The following LRRIQ1 variants were observed in gnomAD, a reference collection of about 807,000 sequenced individuals.
LRRIQ1 encodes leucine-rich repeat- and IQ domain-containing protein 1.
Under a neutral mutation model 211.9 loss-of-function variants are expected in LRRIQ1, and 210 were observed. That is an observed-to-expected ratio of 0.99 (90% CI 0.89 to 1.11). LRRIQ1 has a LOEUF of 1.11. LRRIQ1 is among the 50% of genes most tolerant of loss of function. LRRIQ1 has a pLI of 0.00. For missense variants in LRRIQ1, 2,136 were observed against 1,939.5 expected (o/e 1.10, Z -1.90); for synonymous variants, 699 against 650.1 (o/e 1.08, Z -1.14).
chr12:85,196,002 A>C (rs1305319590), intron 24 of LRRIQ1, among the ~76,000 whole-genome samples: 1 of 152,008 alleles, frequency 6.6e-6, no homozygotes, highest in Non-Finnish European at 1.5e-5. Context: ...ATCAATGTAC[A>C]AAAATCACAA....
intron 13 of LRRIQ1, among the ~76,000 whole-genome samples, chr12:85,100,374 T>A (rs1355652820): frequency 6.6e-6 from 1 of 151,724 alleles, no homozygotes; most frequent in East Asian, 1.9e-4. Context: ...AAAATGGGAA[T>A]TATATAAACT....
chr12:85,056,553 A>G lies in LRRIQ1; in HGVS notation c.1760A>G (p.Glu587Gly). The change falls in exon 8 of 27, where the codon GAA becomes GGA. Residue 587 changes from glutamate (E) to glycine (G), a missense_variant. Physicochemically the swap from Glu to Gly is moderately conservative, Grantham distance 98. Transcript: ENST00000393217. ...CAGCAGAAAAAGATACAAAAAGTAG[A>G]AAAAGAAGAGATACAAGAACAGAAT... ...DNQQKKIQKV[E>G]KEEIQEQNGL... 6.2e-7 allele frequency: 1 copy of G among 1,607,300 alleles called. No individual in the cohort carries two copies. Among genetic ancestry groups the G allele is most frequent in the Non-Finnish European group, 8.5e-7 (1 of 1,176,898 alleles).
chr12:85,072,130 G>A lies in LRRIQ1; in HGVS notation c.2696-777G>A, dbSNP rs372868252. On this transcript the variant is annotated intron_variant, in intron 10 of 26. Coordinates refer to ENST00000393217, the MANE Select transcript of LRRIQ1 (RefSeq NM_001079910.2). ...ATCTATAGATTTTCCTCTGAGCAAT[G>A]CTTATTCTGTAACTTGTGACATGTA... Among the ~76,000 whole-genome samples, 397 of 151,914 alleles carry A rather than the reference G, an allele frequency of 2.6e-3. 4 individuals are homozygous for A. The highest frequency in any genetic ancestry group is 9.4e-3 in the African/African-American group (389 of 41,458).
rs1452425611 is a variant in LRRIQ1, at chr12:85,192,488, TATAATATAATTATATATAAATATATATA to T, written c.4822+31775_4822+31802del. 8.7e-5 allele frequency among the ~76,000 whole-genome samples: 11 copies of T among 126,464 alleles called. 1 individual carries two copies. The highest frequency in any genetic ancestry group is 6.3e-5 in the Non-Finnish European group (4 of 63,402). 83.0% of individuals were successfully genotyped at this position (126,464 alleles called of 152,430 possible). A position where few individuals can be genotyped will look rare whatever the true frequency, so the allele number is the denominator to read the frequency against. ...AATTATATATAAATATATATAGTTATATAATATAATTATATATAAATATATATAGTTATATAATATAATTATATATAAA... is the reference window on the plus strand; with the variant it reads ...AATTATATATAAATATATATAGTTATGTTATATAATATAATTATATATAAA... On this transcript the variant is annotated intron_variant, in intron 24 of 26. Transcript: ENST00000393217.
intron 7 of LRRIQ1, 86 bp downstream of exon 7, chr12:85,052,337 A>G (rs1592702904): frequency 1.3e-5 from 9 of 687,928 alleles, no homozygotes; most frequent in Admixed American, 2.8e-5. Flanking sequence ...TTTTTAGATA[A>G]TGCTGCCTAA....
At chr12:85,190,280 C>T (rs1223392792) in intron 24 of LRRIQ1, among the ~76,000 whole-genome samples, 3 of 142,030 alleles carry the variant, frequency 2.1e-5, no homozygotes, top group Non-Finnish European at 3.0e-5. Context: ...CAGTTAACAA[C>T]TATACAGTTA....
intron 13 of LRRIQ1, among the ~76,000 whole-genome samples, chr12:85,103,391 T>C (rs1886532451): frequency 6.6e-6 from 1 of 151,718 alleles, no homozygotes; most frequent in African/African-American, 2.4e-5. Context: ...CTCATTTATT[T>C]ACATATTGAG....
At chr12:85,200,390 C>T (rs1364389450) in intron 24 of LRRIQ1, among the ~76,000 whole-genome samples, 1 of 150,480 alleles carries the variant, frequency 6.6e-6, no homozygotes, top group African/African-American at 2.4e-5. Flanking sequence ...GGTTTTCTAG[C>T]TATGAAATCT....
Position 85,056,594 on chromosome 12 carries a change from G to A in LRRIQ1, c.1801G>A (p.Asp601Asn). 6.3e-7 allele frequency: 1 copy of A among 1,595,726 alleles called. No homozygotes were observed. The highest frequency in any genetic ancestry group is 8.5e-7 in the Non-Finnish European group (1 of 1,172,022). Reference protein sequence around the residue: ...IQEQNGLLYKDKDTLVISVKQ... With the variant: ...IQEQNGLLYKNKDTLVISVKQ... The stretch of plus-strand genomic sequence containing the variant: ...AGAACAGAATGGATTATTATATAAA[G>A]ATAAGGATACTTTAGTTATTTCAGT... Residue 601 changes from aspartate to asparagine, a missense_variant, in exon 8 of 27, where the codon GAT becomes AAT. Transcript: ENST00000393217.
chr12:85,181,131 C>A (rs1285453644), intron 24 of LRRIQ1, among the ~76,000 whole-genome samples: 1 of 36,772 alleles, frequency 2.7e-5, no homozygotes, highest in African/African-American at 5.1e-4. Flanking sequence ...TTAGGTAGCC[C>A]ATTGAAACAT....
intron 10 of LRRIQ1, among the ~76,000 whole-genome samples, chr12:85,070,653 A>G (rs766251657): frequency 4.6e-4 from 70 of 151,886 alleles, no homozygotes; most frequent in Non-Finnish European, 9.4e-4. Context: ...ACATTTTTAC[A>G]GCTCAGAATA....
At chr12:85,253,377 C>T (rs1896003819) in intron 1 of LRRIQ1, among the ~76,000 whole-genome samples, 1 of 152,054 alleles carries the variant, frequency 6.6e-6, no homozygotes, top group African/African-American at 2.4e-5. Context: ...ACTACTCACA[C>T]AAGATTCATG....
the LRRIQ1 span, among the ~76,000 whole-genome samples, chr12:85,270,196 G>A: frequency 5.9e-5 from 9 of 152,060 alleles, no homozygotes; most frequent in South Asian, 2.1e-4. Flanking sequence ...TAATCAATAA[G>A]AATTATATTT....
At chr12:85,125,339 T>A (rs546513306) in intron 17 of LRRIQ1, among the ~76,000 whole-genome samples, 1 of 152,194 alleles carries the variant, frequency 6.6e-6, no homozygotes, top group Non-Finnish European at 1.5e-5. Flanking sequence ...TAGGGCAATA[T>A]TCTGTATGAT....
intron 6 of LRRIQ1, chr12:85,048,488 G>A (rs1370048242): frequency 6.6e-6 from 1 of 151,688 alleles, no homozygotes; most frequent in African/African-American, 2.4e-5. Context: ...GAACCCGGGA[G>A]GCAGACCTTG....
chr12:85,171,340 A>T (rs1891406579), intron 24 of LRRIQ1, among the ~76,000 whole-genome samples: 2 of 152,184 alleles, frequency 1.3e-5, no homozygotes, highest in African/African-American at 4.8e-5. Flanking sequence ...TACAAGTAAC[A>T]TTTGAAGGAT....
chr12:85,098,315 A>G, intron 11 of LRRIQ1, 40 bp from the exon 12 acceptor site: 2 of 1,329,658 alleles, frequency 1.5e-6, no homozygotes, highest in Non-Finnish European at 2.1e-6. Context: ...AGTCTGGAAG[A>G]CTGTATGACA....
At chr12:85,244,090 T>G (rs1895600745) in intron 26 of LRRIQ1, among the ~76,000 whole-genome samples, 1 of 151,660 alleles carries the variant, frequency 6.6e-6, no homozygotes, top group Admixed American at 6.6e-5. Flanking sequence ...TGTAATGATA[T>G]TCAACATTAT....
At chr12:85,235,561 A>G (rs2137220920) in intron 26 of LRRIQ1, among the ~76,000 whole-genome samples, 1 of 152,292 alleles carries the variant, frequency 6.6e-6, no homozygotes, top group East Asian at 1.9e-4. Context: ...CTCAGGAGAA[A>G]GTATGACTTT....
Sources: allele counts gnomAD v4.1 joint callset (sites outside exome capture counted in the v4.1 genomes callset), GRCh38; gene constraint gnomAD v4.1.1; transcripts MANE v1.5; gene names NCBI Gene and HGNC (gene_info 2026-07-23, HGNC 2026-07-21).